The following SPMIP4 variants were observed in gnomAD, a reference collection of about 807,000 sequenced individuals.
SPMIP4 encodes sperm microtubule inner protein 4.
chr7:25,162,164 G>C, the SPMIP4 span, among the ~76,000 whole-genome samples: 1 of 151,344 alleles, frequency 6.6e-6, no homozygotes, highest in African/African-American at 2.4e-5. Flanking sequence ...CCAGCTACTC[G>C]GGAGGCTGAG....
chr7:25,165,939 C>T, the SPMIP4 span, among the ~76,000 whole-genome samples: 3 of 152,206 alleles, frequency 2.0e-5, no homozygotes, highest in African/African-American at 7.2e-5. Flanking sequence ...CGCTTCCCAG[C>T]CTTCCTAGCA....
At chr7:25,149,370 A>G in the SPMIP4 span, among the ~76,000 whole-genome samples, 1 of 152,204 alleles carries the variant, frequency 6.6e-6, no homozygotes, top group Admixed American at 6.5e-5. Context: ...TTAGAGAGAA[A>G]AAAAGGTGAG....
the SPMIP4 span, among the ~76,000 whole-genome samples, chr7:25,176,826 T>G: frequency 5.3e-5 from 8 of 152,266 alleles, no homozygotes; most frequent in Non-Finnish European, 7.3e-5. This position sits in a 1 kb window ranked among gnomAD's most constrained non-coding sequence, Gnocchi z 4.4. Context: ...AAAATCATTC[T>G]TTTTCTTTAT....
At chr7:25,177,273 G>C in the SPMIP4 span, among the ~76,000 whole-genome samples, 6 of 152,122 alleles carry the variant, frequency 3.9e-5, no homozygotes, top group Admixed American at 3.3e-4. Context: ...ACGAGGTCAG[G>C]AGATCGAGAC....
the SPMIP4 span, among the ~76,000 whole-genome samples, chr7:25,172,937 A>G: frequency 2.7e-5 from 4 of 147,156 alleles, no homozygotes; most frequent in Admixed American, 2.7e-4. This position sits in a 1 kb window ranked among gnomAD's most constrained non-coding sequence, Gnocchi z 4.2. Flanking sequence ...CTATACCCTG[A>G]GAACAGTAGG....
the SPMIP4 span, among the ~76,000 whole-genome samples, chr7:25,145,785 A>C: frequency 6.6e-6 from 1 of 152,250 alleles, no homozygotes; most frequent in Non-Finnish European, 1.5e-5. Context: ...CCTATTTAAT[A>C]AACATTTACT....
At chr7:25,140,794 C>T in the SPMIP4 span, among the ~76,000 whole-genome samples, 1 of 151,890 alleles carries the variant, frequency 6.6e-6, no homozygotes. Context: ...ACCATGTTGG[C>T]CAGGCTGGTC....
chr7:25,154,421 G>A, the SPMIP4 span, among the ~76,000 whole-genome samples: 3 of 152,292 alleles, frequency 2.0e-5, no homozygotes, highest in East Asian at 3.9e-4. Context: ...AGCAAAGACC[G>A]AGGTGTCTAG....
chr7:25,155,964 TC>T, the SPMIP4 span, among the ~76,000 whole-genome samples: 58 of 152,332 alleles, frequency 3.8e-4, no homozygotes, highest in Middle Eastern at 3.4e-3. Context: ...GTTGAATTCC[TC>T]CCTTCCGCCC....
At chr7:25,174,021 T>C in the SPMIP4 span, among the ~76,000 whole-genome samples, 13 of 152,182 alleles carry the variant, frequency 8.5e-5, no homozygotes, top group African/African-American at 2.9e-4. The surrounding 1 kb of genome is among the most constrained non-coding windows in gnomAD (Gnocchi z 4.5). Context: ...TAGGATGTAA[T>C]AATTTAGGAT....
At chr7:25,170,150 T>C in the SPMIP4 span, among the ~76,000 whole-genome samples, 2 of 152,072 alleles carry the variant, frequency 1.3e-5, no homozygotes, top group Non-Finnish European at 2.9e-5. Context: ...TTTACATTCC[T>C]ACCAACATTG....
chr7:25,175,234 CGT>C, the SPMIP4 span, among the ~76,000 whole-genome samples: 18 of 152,006 alleles, frequency 1.2e-4, no homozygotes, highest in African/African-American at 4.3e-4. Context: ...GGAGCTAGGC[CGT>C]GTCACCTATT....
At chr7:25,131,203 G>A in the SPMIP4 span, among the ~76,000 whole-genome samples, 2 of 152,198 alleles carry the variant, frequency 1.3e-5, no homozygotes, top group Non-Finnish European at 2.9e-5. This position sits in a 1 kb window ranked among gnomAD's most constrained non-coding sequence, Gnocchi z 4.2. Context: ...TCTAATGCCT[G>A]ATGATCTGTC....
At chr7:25,161,168 A>C in the SPMIP4 span, 3 of 1,435,174 alleles carry the variant, frequency 2.1e-6, no homozygotes, top group East Asian at 2.4e-5. Context: ...ATTTTATATA[A>C]GGAAAAAAAC....
chr7:25,135,891 A>C, the SPMIP4 span: 1 of 1,489,588 alleles, frequency 6.7e-7, no homozygotes, highest in East Asian at 2.3e-5. Flanking sequence ...TAGAAAACAG[A>C]ATCCAGCAAT....
At chr7:25,163,079 C>G in the SPMIP4 span, among the ~76,000 whole-genome samples, 709 of 152,220 alleles carry the variant, frequency 4.7e-3, 6 homozygotes, top group African/African-American at 0.016. This position sits in a 1 kb window ranked among gnomAD's most constrained non-coding sequence, Gnocchi z 4.4. Context: ...CTTTTAGAAA[C>G]CTTTGAGCAT....
At chr7:25,170,629 C>A in the SPMIP4 span, among the ~76,000 whole-genome samples, 1,178 of 152,264 alleles carry the variant, frequency 7.7e-3, 19 homozygotes, top group African/African-American at 0.027. Context: ...AAAGATTTAT[C>A]GCTATGTTTT....
At chr7:25,162,986 C>G in the SPMIP4 span, among the ~76,000 whole-genome samples, 1 of 152,168 alleles carries the variant, frequency 6.6e-6, no homozygotes, top group African/African-American at 2.4e-5. Context: ...GTCTCCAACT[C>G]CTGACCTCAG....
the SPMIP4 span, among the ~76,000 whole-genome samples, chr7:25,158,196 C>A: frequency 6.7e-6 from 1 of 149,614 alleles, no homozygotes; most frequent in Admixed American, 6.6e-5. Flanking sequence ...AGCAAGAACC[C>A]ATCTCTACAA....
Sources: gnomAD v4.1 joint callset for allele counts (sites outside exome capture counted in the v4.1 genomes callset) on GRCh38, gnomAD v4.1.1 for gene constraint, Gnocchi (gnomAD v3.1) non-coding constraint, MANE v1.5 for transcripts, NCBI Gene and HGNC (gene_info 2026-07-23, HGNC 2026-07-21) for gene names.